The following TENM2 variants were observed in gnomAD, a reference collection of about 807,000 sequenced individuals.
The protein encoded by TENM2 is teneurin-2.
Under a neutral mutation model 245.2 loss-of-function variants are expected in TENM2, and 52 were observed. The observed-to-expected ratio is 0.21, with a 90% CI of 0.17 to 0.27. TENM2 has a LOEUF of 0.27. TENM2 is among the 10% of genes least tolerant of loss of function. The probability of loss-of-function intolerance (pLI) is 1.00; values close to 1 mark genes in which losing one functional copy is unlikely to be tolerated. For synonymous variants in TENM2, 1,363 were observed against 1,438.9 expected (o/e 0.95, Z 1.19); for missense variants, 3,046 against 3,666.8 (o/e 0.83, Z 4.37).
intron 1 of TENM2, among the ~76,000 whole-genome samples, chr5:167,339,296 C>A (rs1054451857): frequency 4.6e-5 from 7 of 152,164 alleles, no homozygotes; most frequent in South Asian, 2.1e-4. Context: ...TAAAACTTCC[C>A]ATTCCAAAAG....
Position 167,476,648 on chromosome 5 carries a change from G to C in TENM2, c.502+101175G>C, listed in dbSNP as rs771238351. ...GTTTCACTCTTTGTTGCCCAGGCTG[G>C]GGTGCAATGGCATGGTCTTGGCTCA... is the stretch of plus-strand genomic sequence containing the variant. On this transcript the variant is annotated intron_variant, in intron 2 of 28. Coordinates refer to ENST00000518659, the Ensembl canonical transcript of TENM2. Among the ~76,000 whole-genome samples the C allele has an allele frequency of 3.9e-4, 59 of 152,124 alleles. 1 individual carries two copies. The highest frequency in any genetic ancestry group is 6.5e-4 in the Non-Finnish European group (44 of 67,998).
chr5:167,147,386 A>AT, the TENM2 span, among the ~76,000 whole-genome samples: 1 of 152,042 alleles, frequency 6.6e-6, no homozygotes, highest in Non-Finnish European at 1.5e-5. Flanking sequence ...TCTGATGATG[A>AT]TTTTTTGTGG....
intron 2 of TENM2, among the ~76,000 whole-genome samples, chr5:167,864,116 G>T (rs188217661): frequency 6.6e-6 from 1 of 152,156 alleles, no homozygotes; most frequent in Non-Finnish European, 1.5e-5. Flanking sequence ...TACTGTGAGC[G>T]TGGGCAGCAT....
chr5:167,788,764 C>T (rs1291446314), intron 2 of TENM2, among the ~76,000 whole-genome samples: 8 of 152,168 alleles, frequency 5.3e-5, no homozygotes, highest in Non-Finnish European at 1.0e-4. Flanking sequence ...TTATTTAGGG[C>T]TCTTCCTTAG....
the TENM2 span, among the ~76,000 whole-genome samples, chr5:167,208,168 G>C: frequency 2.3e-4 from 35 of 149,754 alleles, no homozygotes; most frequent in Admixed American, 1.9e-3. Flanking sequence ...AGATGTGTAC[G>C]TGTTGAGGGT....
chr5:168,037,726 T>C (rs981576535), intron 5 of TENM2, among the ~76,000 whole-genome samples: 1 of 152,138 alleles, frequency 6.6e-6, no homozygotes, highest in African/African-American at 2.4e-5. Flanking sequence ...TTTAAGGAGA[T>C]GGAAGAGGAC....
intron 3 of TENM2, among the ~76,000 whole-genome samples, chr5:167,896,541 G>C (rs912190501): frequency 2.0e-5 from 3 of 152,084 alleles, no homozygotes; most frequent in Admixed American, 2.0e-4. Flanking sequence ...TGATGAGGGC[G>C]GTACAAAGAG....
chr5:167,259,814 G>A, the TENM2 span, among the ~76,000 whole-genome samples: 1 of 152,004 alleles, frequency 6.6e-6, no homozygotes, highest in South Asian at 2.1e-4. Context: ...TCTCATGAAG[G>A]GTGTTAAAAA....
At chr5:167,007,641 C>T in the TENM2 span, among the ~76,000 whole-genome samples, 2 of 152,142 alleles carry the variant, frequency 1.3e-5, no homozygotes, top group Non-Finnish European at 2.9e-5. The surrounding 1 kb of genome is among the most constrained non-coding windows in gnomAD (Gnocchi z 4.2). Flanking sequence ...CCCTAGCCTC[C>T]CACAAAAATT....
At chr5:166,988,474 A>C in the TENM2 span, among the ~76,000 whole-genome samples, 1 of 152,220 alleles carries the variant, frequency 6.6e-6, no homozygotes, top group East Asian at 1.9e-4. Context: ...ACCAAATTGC[A>C]GATTGCAGGA....
At chr5:167,342,910 G>A (rs538377701) in intron 1 of TENM2, among the ~76,000 whole-genome samples, 95 of 150,704 alleles carry the variant, frequency 6.3e-4, no homozygotes, top group African/African-American at 2.2e-3. Flanking sequence ...CACTTTAAGA[G>A]TAGGGAGTTA....
intron 2 of TENM2, among the ~76,000 whole-genome samples, chr5:167,445,249 C>T (rs1462040645): frequency 6.7e-6 from 1 of 149,650 alleles, no homozygotes; most frequent in East Asian, 2.0e-4. Flanking sequence ...AAGTGTAAGC[C>T]AATCATGTTT....
intron 2 of TENM2, among the ~76,000 whole-genome samples, chr5:167,837,067 T>TACACACACAC (rs3082486): frequency 6.7e-6 from 1 of 149,432 alleles, no homozygotes; most frequent in African/African-American, 2.5e-5. Context: ...TATGCCTAAG[T>TACACACACAC]ACACACACAC....
At chr5:167,332,822 T>G (rs1561869477) in intron 1 of TENM2, among the ~76,000 whole-genome samples, 3 of 152,200 alleles carry the variant, frequency 2.0e-5, no homozygotes, top group Non-Finnish European at 4.4e-5. Context: ...TTTTATGTCC[T>G]ACTTATTACA....
At chr5:167,232,917 T>C in the TENM2 span, among the ~76,000 whole-genome samples, 1 of 152,170 alleles carries the variant, frequency 6.6e-6, no homozygotes, top group African/African-American at 2.4e-5. Context: ...AAAACATATG[T>C]TAAAACCTAC....
intron 2 of TENM2, among the ~76,000 whole-genome samples, chr5:167,504,026 C>T (rs1282550456): frequency 6.6e-6 from 1 of 152,096 alleles, no homozygotes; most frequent in Non-Finnish European, 1.5e-5. Flanking sequence ...TTTGGTTTAC[C>T]GCTTGGATTC....
intron 7 of TENM2, among the ~76,000 whole-genome samples, chr5:168,086,386 C>A (rs2152226370): frequency 6.6e-6 from 1 of 152,334 alleles, no homozygotes; most frequent in Middle Eastern, 3.4e-3. Flanking sequence ...GTAAAAGTTG[C>A]ATTTTCATGC....
chr5:167,151,707 TG>T, the TENM2 span, among the ~76,000 whole-genome samples: 5 of 151,888 alleles, frequency 3.3e-5, no homozygotes, highest in Non-Finnish European at 5.9e-5. Flanking sequence ...TTAGTAGAGA[TG>T]GGGTTTCACC....
At chr5:168,055,340 T>TA (rs1280911689) in intron 6 of TENM2, among the ~76,000 whole-genome samples, 1 of 152,222 alleles carries the variant, frequency 6.6e-6, no homozygotes, top group African/African-American at 2.4e-5. Flanking sequence ...GGACATTTCT[T>TA]AATCATTGTT....
Sources: allele counts gnomAD v4.1 joint callset (sites outside exome capture counted in the v4.1 genomes callset), GRCh38; gene constraint gnomAD v4.1.1; non-coding constraint Gnocchi (gnomAD v3.1); transcripts MANE v1.5; gene names NCBI Gene and HGNC (gene_info 2026-07-23, HGNC 2026-07-21).